The following MARCHF10 variants were observed in gnomAD, a reference collection of about 807,000 sequenced individuals.
The protein encoded by MARCHF10 is membrane associated ring-CH-type finger 10.
A neutral mutation model predicts 76.2 loss-of-function variants in MARCHF10; 64 were observed. That is an observed-to-expected ratio of 0.84 (90% confidence interval 0.69 to 1.03). The LOEUF is 1.03. Among genes scored for constraint, MARCHF10 ranks in the 50% least tolerant of loss-of-function variants. MARCHF10 has a pLI of 0.00. For missense variants in MARCHF10, 875 were observed against 958.0 expected, an observed-to-expected ratio of 0.91 and a Z score of 1.14; for synonymous variants, 340 against 357.5, an observed-to-expected ratio of 0.95 and a Z score of 0.55.
chr17:62,796,711 G>A (rs575322882), intron 2 of MARCHF10, among the ~76,000 whole-genome samples: 34 of 152,286 alleles, frequency 2.2e-4, no homozygotes, highest in South Asian at 1.2e-3. Flanking sequence ...ATGTGCAGCC[G>A]GGTGCGGTGG....
intron 6 of MARCHF10, among the ~76,000 whole-genome samples, chr17:62,728,928 A>G (rs1255297470): frequency 6.6e-6 from 1 of 152,116 alleles, no homozygotes; most frequent in Non-Finnish European, 1.5e-5. Context: ...AGAATAAAGT[A>G]TGAAGGGTTT....
At chr17:62,750,802 A>G (rs912638284) in intron 4 of MARCHF10, among the ~76,000 whole-genome samples, 2 of 152,146 alleles carry the variant, frequency 1.3e-5, no homozygotes, top group Non-Finnish European at 2.9e-5. Context: ...TCCCCGTAAG[A>G]TCCCGGAGAA....
chr17:62,751,116 CTGA>C (rs1207299536), intron 4 of MARCHF10, among the ~76,000 whole-genome samples: 2 of 152,192 alleles, frequency 1.3e-5, no homozygotes, highest in South Asian at 2.1e-4. Context: ...CTCGTTGAAG[CTGA>C]TGATCTGTTC....
At chr17:62,714,920 A>G (rs2090117955) in intron 8 of MARCHF10, among the ~76,000 whole-genome samples, 1 of 151,938 alleles carries the variant, frequency 6.6e-6, no homozygotes, top group Non-Finnish European at 1.5e-5. Context: ...TAATTTTTGT[A>G]TTTTTAGTAG....
At chr17:62,793,451 T>C (rs1239285514) in intron 2 of MARCHF10, among the ~76,000 whole-genome samples, 109 of 47,548 alleles carry the variant, frequency 2.3e-3, no homozygotes, top group Non-Finnish European at 2.4e-3. Flanking sequence ...ATCACCACCA[T>C]CACCACCACC....
At chr17:62,806,526 T>C (rs901637846) in intron 1 of MARCHF10, 1 of 152,200 alleles carries the variant, frequency 6.6e-6, no homozygotes, top group African/African-American at 2.4e-5. Flanking sequence ...ATCTGTGCTT[T>C]AGAAATCAAC....
intron 3 of MARCHF10, among the ~76,000 whole-genome samples, chr17:62,777,865 A>G (rs1034865257): frequency 1.3e-5 from 2 of 152,022 alleles, no homozygotes; most frequent in African/African-American, 4.8e-5. Context: ...CCACTTCAAT[A>G]AAAATTGCTG....
At chr17:62,776,994 A>G (rs1044981434) in intron 3 of MARCHF10, among the ~76,000 whole-genome samples, 2 of 152,176 alleles carry the variant, frequency 1.3e-5, no homozygotes, top group Admixed American at 6.5e-5. Flanking sequence ...ATAACTGACT[A>G]ATCTTCTAGC....
In MARCHF10 at chr17:62,759,968, T is replaced by C. The variant is rs781635143; in HGVS notation, c.249A>G (p.Ser83=). 6.2e-7 allele frequency: 1 copy of C among 1,614,154 alleles called. No homozygotes were observed. The highest frequency in any genetic ancestry group is 1.3e-5 in the African/African-American group (1 of 75,042). Residue 83 remains serine (S), a synonymous_variant, in exon 4 of 11, where the codon TCA becomes TCG. Coordinates refer to ENST00000311269, the MANE Select transcript of MARCHF10 (RefSeq NM_152598.4). ...SEEDALTEPR[S]SIKISAFKCD... is the part of the protein sequence containing the mutation. ...ACTTAAATGCAGATATCTTGATAGATGACCTTGGTTCAGTTAGAGCATCCT... is the reference window on the plus strand; with the variant it reads ...ACTTAAATGCAGATATCTTGATAGACGACCTTGGTTCAGTTAGAGCATCCT...
chr17:62,706,147 A>G (rs1242585065), intron 9 of MARCHF10: 1 of 153,204 alleles, frequency 6.5e-6, no homozygotes, highest in African/African-American at 2.4e-5. Context: ...TTCCCCAGGA[A>G]GAAGAGGGGC....
intron 3 of MARCHF10, among the ~76,000 whole-genome samples, chr17:62,761,610 C>T (rs1022654757): frequency 3.9e-5 from 6 of 151,976 alleles, no homozygotes; most frequent in East Asian, 1.9e-4. Context: ...TTAGTAGAGA[C>T]GGGGTTTCGT....
chr17:62,715,242 C>G (rs562731812), intron 8 of MARCHF10, among the ~76,000 whole-genome samples: 5 of 152,330 alleles, frequency 3.3e-5, no homozygotes, highest in African/African-American at 1.2e-4. Context: ...TGGATGTGCT[C>G]TGGTTGGATG....
chr17:62,785,415 T>C (rs2148100284), intron 3 of MARCHF10, among the ~76,000 whole-genome samples: 1 of 152,248 alleles, frequency 6.6e-6, no homozygotes, highest in East Asian at 1.9e-4. Flanking sequence ...CCTAAAACCA[T>C]AAAAATCCTA....
chr17:62,789,306 C>T (rs947772212), intron 2 of MARCHF10, among the ~76,000 whole-genome samples: 19 of 151,998 alleles, frequency 1.3e-4, no homozygotes, highest in African/African-American at 2.2e-4. Flanking sequence ...ACCCTAGTTG[C>T]GGGATGAGAA....
intron 5 of MARCHF10, among the ~76,000 whole-genome samples, chr17:62,740,411 A>C (rs2091463560): frequency 1.3e-5 from 2 of 152,174 alleles, no homozygotes; most frequent in African/African-American, 4.8e-5. Flanking sequence ...CTTGACCAAT[A>C]GTTTCCTACA....
chr17:62,799,251 C>T (rs886243215), intron 2 of MARCHF10, among the ~76,000 whole-genome samples: 3 of 152,142 alleles, frequency 2.0e-5, no homozygotes, highest in Admixed American at 6.5e-5. Flanking sequence ...CACTTCTCAC[C>T]ACCTCCACTC....
intron 10 of MARCHF10, 64 bp from the exon 11 acceptor site, chr17:62,701,822 G>A: frequency 1.3e-6 from 2 of 1,598,244 alleles, no homozygotes; most frequent in Non-Finnish European, 1.7e-6. Flanking sequence ...GTTACAGGGG[G>A]CACGGCACTG....
chr17:62,773,160 G>A (rs2092479216), intron 3 of MARCHF10, among the ~76,000 whole-genome samples: 1 of 152,138 alleles, frequency 6.6e-6, no homozygotes. Context: ...TCAGAGCCTG[G>A]GTGGAGGACG....
intron 3 of MARCHF10, among the ~76,000 whole-genome samples, chr17:62,780,034 T>C (rs550126830): frequency 1.6e-3 from 247 of 151,276 alleles, no homozygotes; most frequent in African/African-American, 5.8e-3. Flanking sequence ...GAGGTGGAGG[T>C]GGCAGTGAGC....
Sources: gnomAD v4.1 joint callset for allele counts (sites outside exome capture counted in the v4.1 genomes callset) on GRCh38, gnomAD v4.1.1 for gene constraint, MANE v1.5 for transcripts, NCBI Gene and HGNC (gene_info 2026-07-23, HGNC 2026-07-21) for gene names.